RAPGEF2: variants seen among roughly 807,000 people sequenced by gnomAD.
RAPGEF2 encodes Rap guanine nucleotide exchange factor 2.
A neutral mutation model predicts 186.7 loss-of-function variants in RAPGEF2; 54 were observed. The observed-to-expected ratio is 0.29, with a 90% CI of 0.23 to 0.36. The LOEUF (loss-of-function observed/expected upper bound fraction) is 0.36, where lower values mean the gene tolerates loss of function less well. Ranked by LOEUF, RAPGEF2 falls within the 10% of genes least tolerant of loss-of-function variation. The pLI is 1.00. For missense variants in RAPGEF2, 1,532 were observed against 2,045.0 expected (o/e 0.75, Z 4.84); for synonymous variants, 712 against 705.9 (o/e 1.01, Z -0.14).
intron 29 of RAPGEF2, 147 bp from the exon 30 acceptor site, chr4:159,357,967 G>C (rs1732282374): frequency 4.1e-6 from 3 of 733,572 alleles, no homozygotes; most frequent in Non-Finnish European, 6.2e-6. Flanking sequence ...CATTGTTTAG[G>C]AAAAAAAGAC....
chr4:159,287,994 C>G (rs573912765), intron 7 of RAPGEF2, among the ~76,000 whole-genome samples: 2 of 152,284 alleles, frequency 1.3e-5, no homozygotes, highest in South Asian at 4.1e-4. Context: ...TCCATTTGTT[C>G]TCACAACTGT....
At chr4:159,266,991 T>C (rs1757511965) in intron 7 of RAPGEF2, 3 of 291,714 alleles carry the variant, frequency 1.0e-5, no homozygotes, top group Admixed American at 4.0e-5. Flanking sequence ...GAATTGTCCA[T>C]TGCTACCTTA....
intron 4 of RAPGEF2, among the ~76,000 whole-genome samples, chr4:159,225,972 C>CTTTTAA (rs1412939105): frequency 1.3e-5 from 2 of 152,092 alleles, no homozygotes; most frequent in African/African-American, 4.8e-5. Context: ...AAAGTTAAGT[C>CTTTTAA]TTTTAATCTT....
intron 1 of RAPGEF2, among the ~76,000 whole-genome samples, chr4:159,181,575 CTTTTTTTTT>C (rs531646826): frequency 8.2e-6 from 1 of 121,386 alleles, no homozygotes; most frequent in Non-Finnish European, 1.7e-5. Flanking sequence ...GGAAGACAGT[CTTTTTTTTT>C]TTTTTTTTTT....
At chr4:159,122,104 G>A (rs1739760261) in intron 1 of RAPGEF2, among the ~76,000 whole-genome samples, 1 of 150,334 alleles carries the variant, frequency 6.7e-6, no homozygotes, top group Non-Finnish European at 1.5e-5. Context: ...GAAAAAGTAG[G>A]TATGTCATGA....
At chr4:159,176,155 G>A (rs1255765890) in intron 1 of RAPGEF2, among the ~76,000 whole-genome samples, 1 of 152,154 alleles carries the variant, frequency 6.6e-6, no homozygotes, top group Non-Finnish European at 1.5e-5. Context: ...GGGACTTTGT[G>A]TTAGGCTGTA....
At chr4:159,305,093 T>C (rs188022074) in intron 8 of RAPGEF2, among the ~76,000 whole-genome samples, 183 of 152,326 alleles carry the variant, frequency 1.2e-3, no homozygotes, top group African/African-American at 3.9e-3. Context: ...ATGAACACTT[T>C]GGTTGATTCT....
intron 8 of RAPGEF2, 91 bp downstream of exon 8, chr4:159,304,564 A>G (rs1026503210): frequency 8.3e-7 from 1 of 1,203,270 alleles, no homozygotes; most frequent in Non-Finnish European, 1.2e-6. Context: ...TAAAATAAAT[A>G]TATGTGTATA....
intron 7 of RAPGEF2, among the ~76,000 whole-genome samples, chr4:159,265,677 C>G (rs1757347121): frequency 2.6e-5 from 4 of 152,084 alleles, no homozygotes; most frequent in Admixed American, 2.6e-4. Context: ...GCAAAATGAT[C>G]AGGCTTTAGT....
chr4:159,285,019 A>C (rs1760272379), intron 7 of RAPGEF2, among the ~76,000 whole-genome samples: 1 of 152,184 alleles, frequency 6.6e-6, no homozygotes, highest in Admixed American at 6.5e-5. Context: ...ATTCTGGGTG[A>C]CAGAGGGAGA....
chr4:159,171,145 A>G (rs1426789963), intron 1 of RAPGEF2, among the ~76,000 whole-genome samples: 3 of 152,208 alleles, frequency 2.0e-5, no homozygotes, highest in South Asian at 2.1e-4. Flanking sequence ...AAGATAAACT[A>G]AAATGCTGTT....
At chr4:159,119,400 G>A (rs1739418124) in intron 1 of RAPGEF2, among the ~76,000 whole-genome samples, 1 of 152,176 alleles carries the variant, frequency 6.6e-6, no homozygotes, top group South Asian at 2.1e-4. Context: ...GTGTCACATG[G>A]CTACTCTTGG....
Position 159,348,623 on chromosome 4 carries a change from T to C in RAPGEF2, c.3713-1514T>C, listed in dbSNP as rs1730738435. The stretch of plus-strand genomic sequence containing the variant: ...GCATGCATTCCTGAATCCCCTGCAG[T>C]CTGTATCGTCTTTATGCAGAACTTC... On this transcript the variant is annotated intron_variant, in intron 25 of 29. Transcript: ENST00000691494. Among the ~76,000 whole-genome samples, 3 of 152,204 alleles carry C rather than the reference T, an allele frequency of 2.0e-5. No individual in the cohort carries two copies. In the South Asian group the frequency reaches 6.2e-4, roughly 32 times the overall value.
rs191622497 is a variant in RAPGEF2 at position 159,168,020 on chromosome 4, G to A, written c.70-18622G>A. On this transcript the variant is annotated intron_variant, in intron 1 of 29. Transcript: ENST00000691494. The stretch of plus-strand genomic sequence containing the variant: ...TGGTGAGGCTCATATGTGTAAATAT[G>A]TATGATCTTGAAATTTTGTCATGTT... Among the ~76,000 whole-genome samples the A allele has an allele frequency of 2.1e-3, 317 of 152,304 alleles. 2 individuals are homozygous for A. The highest frequency in any genetic ancestry group is 7.0e-3 in the African/African-American group (293 of 41,578).
At chr4:159,248,477 T>C (rs962930106) in intron 7 of RAPGEF2, among the ~76,000 whole-genome samples, 2 of 152,188 alleles carry the variant, frequency 1.3e-5, no homozygotes, top group Non-Finnish European at 2.9e-5. Context: ...CTAGTTCCTC[T>C]TTACCCTAAA....
Position 159,309,450 on chromosome 4 carries a change from ATT to A in RAPGEF2, c.675+4978_675+4979del, listed in dbSNP as rs530536374. On this transcript the variant is annotated intron_variant, in intron 8 of 29. Transcript: ENST00000691494. ...AGCACAGTGCCAGGAAATTTTAGGC[ATT>A]CAGTAAAGATGTGTTGAATGAATGT... Among the ~76,000 whole-genome samples the A allele has an allele frequency of 3.0e-3, 462 of 152,334 alleles. 1 individual carries two copies. Among genetic ancestry groups the A allele is most frequent in the African/African-American group, 0.01 (434 of 41,592 alleles).
chr4:159,172,280 T>C (rs1196223756), intron 1 of RAPGEF2, among the ~76,000 whole-genome samples: 1 of 152,200 alleles, frequency 6.6e-6, no homozygotes, highest in Non-Finnish European at 1.5e-5. Context: ...CAGTAGCTGA[T>C]AGACCCAACC....
intron 8 of RAPGEF2, among the ~76,000 whole-genome samples, chr4:159,312,503 A>G (rs894686646): frequency 2.0e-5 from 3 of 151,934 alleles, no homozygotes; most frequent in African/African-American, 7.3e-5. Context: ...AAATCTAGCA[A>G]TGATTCAGTT....
rs756457121 is a variant in RAPGEF2, at chr4:159,344,050, G to A, written c.3269G>A (p.Arg1090Gln). 7.8e-6 allele frequency: 12 copies of A among 1,535,580 alleles called. No homozygotes were observed. Among genetic ancestry groups the A allele is most frequent in the Admixed American group, 1.7e-5 (1 of 59,894 alleles). ...LMFRTRKKKW[R>Q]SLGSLSQGST... ...CTCACTTACAGGAAGAAGAAATGGC[G>A]GAGTTTGGGGTAAGTGGTGGAGACC... The change falls in exon 23 of 30, where the codon CGG becomes CAG. Residue 1090 changes from arginine (R) to glutamine (Q), a missense_variant. Arg to Gln is a conservative substitution (Grantham distance 43, BLOSUM62 1). This residue lies in a region of RAPGEF2 where 117 missense variants were observed against 180.8 expected (regional missense o/e 0.65). Coordinates refer to ENST00000691494, the MANE Select transcript of RAPGEF2 (RefSeq NM_001394067.2).
Sources: allele counts gnomAD v4.1 joint callset (sites outside exome capture counted in the v4.1 genomes callset), GRCh38; gene constraint gnomAD v4.1.1; regional missense constraint gnomAD v4.1.1; transcripts MANE v1.5; gene names NCBI Gene and HGNC (gene_info 2026-07-23, HGNC 2026-07-21).